The following MPO variants were observed in gnomAD, a reference collection of about 807,000 sequenced individuals.
MPO encodes myeloperoxidase.
Under a neutral mutation model 69.4 loss-of-function variants are expected in MPO, and 57 were observed. The observed-to-expected ratio is 0.82, with a 90% CI of 0.66 to 1.02. The LOEUF (loss-of-function observed/expected upper bound fraction) is 1.02. Among genes scored for constraint, MPO ranks in the 50% least tolerant of loss-of-function variants. MPO has a pLI of 0.00. For synonymous variants in MPO, 426 were observed against 417.1 expected, an observed-to-expected ratio of 1.02 and a Z score of -0.26; for missense variants, 971 against 1,014.1, an observed-to-expected ratio of 0.96 and a Z score of 0.58.
chr17:58,277,084 G>A lies in MPO; in HGVS notation c.1204+743C>T, dbSNP rs1004296298. Among the ~76,000 whole-genome samples, 58 of 152,144 alleles carry A rather than the reference G, an allele frequency of 3.8e-4. 1 individual carries two copies. Among genetic ancestry groups the A allele is most frequent in the South Asian group, 2.1e-4 (1 of 4,812 alleles). Reference sequence around the variant, plus strand: ...GACTGTGCCACTGTACTCAAGCCTGGGTGACAGAGTGAGATTCCGTCTTAG... The same window carrying A: ...GACTGTGCCACTGTACTCAAGCCTGAGTGACAGAGTGAGATTCCGTCTTAG... On this transcript the variant is annotated intron_variant, in intron 7 of 11. Coordinates refer to ENST00000225275, the MANE Select transcript of MPO (RefSeq NM_000250.2).
Position 58,279,389 on chromosome 17 carries a change from C to T in MPO, c.586G>A (p.Val196Met). The T allele has an allele frequency of 1.2e-6, 2 of 1,605,968 alleles. No individual in the cohort carries two copies. Among genetic ancestry groups the T allele is most frequent in the Non-Finnish European group, 8.5e-7 (1 of 1,176,490 alleles). The change falls in exon 5 of 12, where the codon GTG becomes ATG. Residue 196 changes from valine to methionine, a missense_variant. Transcript: ENST00000225275. ...PTLGASNRAFVRWLPAEYEDG... is the reference protein window; with the variant it reads ...PTLGASNRAFMRWLPAEYEDG... ...TCATACTCCGCCGGCAGCCAGCGCA[C>T]AAAGGCACGGTTGGAGGCCCCCAGC... is the stretch of plus-strand genomic sequence containing the variant.
Position 58,272,905 on chromosome 17 carries a change from G to A in MPO, c.1635C>T (p.Pro545=). Residue 545 remains proline, a synonymous_variant, in exon 10 of 12, where the codon CCC becomes CCT. Transcript: ENST00000225275. Reference sequence around the variant, plus strand: ...GGGTGGCCATGAGGCCCCGGAGGATGGGGTCAATGCCACCTGGGGACCAGA... The same window carrying A: ...GGGTGGCCATGAGGCCCCGGAGGATAGGGTCAATGCCACCTGGGGACCAGA... ...WRVVLEGGID[P]ILRGLMATPA... 1 of 1,614,106 alleles carries A rather than the reference G, an allele frequency of 6.2e-7. No individual in the cohort carries two copies. Among genetic ancestry groups the A allele is most frequent in the Non-Finnish European group, 8.5e-7 (1 of 1,180,034 alleles).
At chr17:58,274,347 AGTGT>A (rs55893734) in intron 8 of MPO, 23,703 of 325,184 alleles carry the variant, frequency 0.073, 18 homozygotes, top group South Asian at 0.14. Flanking sequence ...AGAATCTAGG[AGTGT>A]GTGTGTGTGT....
At chr17:58,271,024 C>T (rs1001402037) in intron 11 of MPO, among the ~76,000 whole-genome samples, 161 bp from the exon 12 acceptor site, 1 of 152,188 alleles carries the variant, frequency 6.6e-6, no homozygotes, top group African/African-American at 2.4e-5. Flanking sequence ...GGCTTTCACA[C>T]AAGTGATGCT....
chr17:58,275,138 C>T lies in MPO; in HGVS notation c.1365+404G>A, dbSNP rs1970420825. On this transcript the variant is annotated intron_variant, in intron 8 of 11. Coordinates refer to ENST00000225275, the MANE Select transcript of MPO (RefSeq NM_000250.2). The surrounding 1 kb of genome is among the most constrained non-coding windows in gnomAD (Gnocchi z 4.1). ...TCCGCCTCCCAAAGTGCTGGGATTA[C>T]AGGCATGAGCCACCGCGCCCAGCCC... Among the ~76,000 whole-genome samples the T allele has an allele frequency of 6.6e-6, 1 of 152,130 alleles. No individual in the cohort carries two copies. The highest frequency in any genetic ancestry group is 1.9e-4 in the East Asian group (1 of 5,164).
chr17:58,272,286 T>C (rs1023482860), intron 10 of MPO, among the ~76,000 whole-genome samples: 8 of 152,180 alleles, frequency 5.3e-5, no homozygotes, highest in Non-Finnish European at 8.8e-5. Flanking sequence ...GGCTACCCCA[T>C]AACATAGGCA....
chr17:58,279,439 A>G lies in MPO; in HGVS notation c.549-13T>C. 1 of 1,611,202 alleles carries G rather than the reference A, an allele frequency of 6.2e-7. No individual in the cohort carries two copies. The highest frequency in any genetic ancestry group is 2.2e-5 in the East Asian group (1 of 44,794). On this transcript the variant is annotated splice_polypyrimidine_tract_variant and intron_variant, in intron 4 of 11. Transcript: ENST00000225275. ...CGTGGGGCTGCGTCTGCAGGGGAGG[A>G]CAGGGCGCTGACACCGGGAGGCTTG...
Position 58,279,860 on chromosome 17 carries a change from G to A in MPO, c.403C>T (p.Arg135Ter), listed in dbSNP as rs181494077. ...LLERKLRSLW[R>*]RPFNVTDVLT... ...GTACCAGTGACATTGAATGGCCTTC[G>A]CCACAGGGACCGCAGCTTCCTCTCC... is the stretch of plus-strand genomic sequence containing the variant. Residue 135 changes from arginine to a stop codon, truncating the protein, a stop_gained, in exon 3 of 12, where the codon CGA becomes TGA. Transcript: ENST00000225275. LOFTEE classifies it high-confidence loss of function. 6 of 1,614,078 alleles carry A rather than the reference G, an allele frequency of 3.7e-6. No individual in the cohort carries two copies. The African/African-American group carries it at 4.0e-5, about 11-fold the overall frequency.
intron 9 of MPO, 115 bp from the exon 10 acceptor site, chr17:58,273,033 C>T: frequency 7.6e-7 from 1 of 1,323,366 alleles, no homozygotes; most frequent in Non-Finnish European, 1.1e-6. Flanking sequence ...GGGCTGGGCA[C>T]AAGCAGTGCC....
rs766225383 is a variant in MPO, at chr17:58,279,540, G to A, written c.531C>T (p.Thr177=). ...CPEQDKYRTI[T]GMCNNRRSPT... ...AGCCGCACCTGTTGTTGCACATCCC[G>A]GTGATGGTGCGGTATTTGTCCTGCT... The change falls in exon 4 of 12, where the codon ACC becomes ACT. Residue 177 remains threonine (T), a synonymous_variant. Transcript: ENST00000225275. 1.9e-6 allele frequency: 3 copies of A among 1,614,082 alleles called. No homozygotes were observed. Among genetic ancestry groups the A allele is most frequent in the Non-Finnish European group, 2.5e-6 (3 of 1,180,024 alleles).
intron 8 of MPO, chr17:58,274,217 A>C (rs1258208908): frequency 6.1e-6 from 3 of 494,618 alleles, no homozygotes; most frequent in Non-Finnish European, 1.2e-5. Context: ...AAGTGAAGAC[A>C]TGGAATAGTC....
In MPO at chr17:58,279,519, G is replaced by A. The variant is rs1231126348; in HGVS notation, c.548+4C>T. The A allele has an allele frequency of 2.5e-6, 4 of 1,613,836 alleles. No homozygotes were observed. Among genetic ancestry groups the A allele is most frequent in the Non-Finnish European group, 3.4e-6 (4 of 1,179,978 alleles). ...TTCCTGCAGCCACCCCCAGCCAGCC[G>A]CACCTGTTGTTGCACATCCCGGTGA... On this transcript the variant is annotated splice_donor_region_variant and intron_variant, in intron 4 of 11. Transcript: ENST00000225275.
Position 58,273,626 on chromosome 17 carries a change from G to C in MPO, c.1409C>G (p.Thr470Arg). The change falls in exon 9 of 12, where the codon ACG becomes AGG. Residue 470 changes from threonine (T) to arginine (R), a missense_variant. Thr to Arg is a moderately conservative substitution (Grantham distance 71). Coordinates refer to ENST00000225275, the MANE Select transcript of MPO (RefSeq NM_000250.2). ...CGTGGGCAGGTACTTCCTCATGGCCGTTGGCCCCAGCACCAGGGGCAGGTA... is the reference window on the plus strand; with the variant it reads ...CGTGGGCAGGTACTTCCTCATGGCCCTTGGCCCCAGCACCAGGGGCAGGTA... ...RDYLPLVLGP[T>R]AMRKYLPTYR... The C allele has an allele frequency of 6.2e-7, 1 of 1,614,220 alleles. No individual in the cohort carries two copies. The highest frequency in any genetic ancestry group is 8.5e-7 in the Non-Finnish European group (1 of 1,180,038).
At chr17:58,279,464 G>A (rs1163102880) in intron 4 of MPO, 38 bp from the exon 5 acceptor site, 1 of 1,611,940 alleles carries the variant, frequency 6.2e-7, no homozygotes. Flanking sequence ...CGGGAGGCTT[G>A]TGGCGTCCGG....
At position 58,275,557 on chromosome 17, in the gene MPO, C is replaced by T; in HGVS notation, c.1350G>A (p.Val450=). The part of the protein sequence containing the change: ...ERLYQEARKI[V]GAMVQIITYR... Reference sequence around the variant, plus strand: ...GACGGCCTACCTGGACCATGGCCCCCACGATCTTCCGGGCTTCCTGGTAGA... The same window carrying T: ...GACGGCCTACCTGGACCATGGCCCCTACGATCTTCCGGGCTTCCTGGTAGA... The change falls in exon 8 of 12, where the codon GTG becomes GTA. Residue 450 remains valine, a synonymous_variant. Transcript: ENST00000225275. The surrounding 1 kb of genome is among the most constrained non-coding windows in gnomAD (Gnocchi z 4.1). The T allele has an allele frequency of 6.2e-6, 10 of 1,614,176 alleles. No individual in the cohort carries two copies. The highest frequency in any genetic ancestry group is 8.5e-6 in the Non-Finnish European group (10 of 1,180,020).
rs1567828870 is a variant in MPO at position 58,277,912 on chromosome 17, G to A, written c.1119C>T (p.Gly373=). ...GGTTGTCAAAGGGCAGCAGGGCCCG[G>A]CCGTTGTCTTGGAAGCGCTGGTTGA... ...LAVNQRFQDN[G]RALLPFDNLH... Residue 373 remains glycine (G), a synonymous_variant, in exon 7 of 12, where the codon GGC becomes GGT. Coordinates refer to ENST00000225275, the MANE Select transcript of MPO (RefSeq NM_000250.2). 1.9e-6 allele frequency: 3 copies of A among 1,612,170 alleles called. No homozygotes were observed. The highest frequency in any genetic ancestry group is 1.7e-4 in the Middle Eastern group (1 of 6,060).
At position 58,275,646 on chromosome 17, in the gene MPO, G is replaced by A. The variant is rs138620426; in HGVS notation, c.1261C>T (p.Arg421Trp). 2.1e-5 allele frequency: 34 copies of A among 1,614,028 alleles called. No homozygotes were observed. Among genetic ancestry groups the A allele is most frequent in the Middle Eastern group, 3.3e-4 (2 of 6,084 alleles). Residue 421 changes from arginine (R) to tryptophan (W), a missense_variant, in exon 8 of 12, where the codon CGG (arginine) becomes TGG (tryptophan). Coordinates refer to ENST00000225275, the MANE Select transcript of MPO (RefSeq NM_000250.2). The surrounding 1 kb of genome is among the most constrained non-coding windows in gnomAD (Gnocchi z 4.1). Reference sequence around the variant, plus strand: ...TCTGTGGCCAGCCGGTTGTGCTCCCGAAGTAAGAGGGTGTGCATGGAGGTG... The same window carrying A: ...TCTGTGGCCAGCCGGTTGTGCTCCCAAAGTAAGAGGGTGTGCATGGAGGTG... Reference protein sequence around the residue: ...ELTSMHTLLLREHNRLATELK... With the variant: ...ELTSMHTLLLWEHNRLATELK...
chr17:58,273,423 C>T lies in MPO; in HGVS notation c.1612G>A (p.Val538Met), dbSNP rs757163546. 8.7e-6 allele frequency: 14 copies of T among 1,614,152 alleles called. No homozygotes were observed. Among genetic ancestry groups the T allele is most frequent in the African/African-American group, 1.3e-5 (1 of 75,032 alleles). ...SRVFFASWRV[V>M]LEGGIDPILR... ...CCTAGGTCCTGCTTACCTTCCAGCA[C>T]GACCCTCCAGGAGGCAAAAAAGACC... is the stretch of plus-strand genomic sequence containing the variant. The change falls in exon 9 of 12, where the codon GTG becomes ATG. Residue 538 changes from valine to methionine, a missense_variant. Coordinates refer to ENST00000225275, the MANE Select transcript of MPO (RefSeq NM_000250.2).
At chr17:58,272,573 T>C (rs1455836294) in intron 10 of MPO, among the ~76,000 whole-genome samples, 175 bp downstream of exon 10, 5 of 152,192 alleles carry the variant, frequency 3.3e-5, no homozygotes, top group Non-Finnish European at 7.3e-5. Flanking sequence ...TGGAAATTTA[T>C]CAGGTGGGTC....
Sources: gnomAD v4.1 joint callset for allele counts (sites outside exome capture counted in the v4.1 genomes callset) on GRCh38, gnomAD v4.1.1 for gene constraint, Gnocchi (gnomAD v3.1) non-coding constraint, MANE v1.5 for transcripts, NCBI Gene and HGNC (gene_info 2026-07-23, HGNC 2026-07-21) for gene names.